The following DGKB variants were observed in gnomAD, a reference collection of about 807,000 sequenced individuals.
DGKB encodes 90 kDa diacylglycerol kinase.
Under a neutral mutation model 114.3 loss-of-function variants are expected in DGKB, and 67 were observed. The ratio of observed to expected loss-of-function variants is 0.59; its 90% CI spans 0.48 to 0.72. The LOEUF is 0.72. Among genes scored for constraint, DGKB ranks in the 30% least tolerant of loss-of-function variants. The pLI is 0.00. For synonymous variants in DGKB, 398 were observed against 323.1 expected, an observed-to-expected ratio of 1.23 and a Z score of -2.49; for missense variants, 907 against 975.2, an observed-to-expected ratio of 0.93 and a Z score of 0.93.
intron 20 of DGKB, among the ~76,000 whole-genome samples, chr7:14,570,272 TTTG>T (rs1297321698): frequency 6.6e-5 from 10 of 152,190 alleles, no homozygotes; most frequent in East Asian, 1.9e-4. Context: ...ATTACGAATT[TTTG>T]TTGTTGTTGT....
intron 1 of DGKB, among the ~76,000 whole-genome samples, chr7:14,861,113 A>G (rs190048646): frequency 3.0e-4 from 45 of 152,084 alleles, no homozygotes; most frequent in African/African-American, 4.8e-4. Flanking sequence ...GGTATCTGGC[A>G]TATGTGTGTA....
At chr7:14,398,788 A>G (rs1309622726) in intron 21 of DGKB, among the ~76,000 whole-genome samples, 1 of 47,368 alleles carries the variant, frequency 2.1e-5, no homozygotes, top group Admixed American at 1.5e-4. Context: ...CACATGGTCT[A>G]TGACTAAAAA....
At chr7:14,869,668 G>A (rs529596822) in intron 1 of DGKB, among the ~76,000 whole-genome samples, 9 of 151,968 alleles carry the variant, frequency 5.9e-5, no homozygotes, top group African/African-American at 2.2e-4. Flanking sequence ...CCATTAATAG[G>A]GAAGAATATA....
intron 21 of DGKB, among the ~76,000 whole-genome samples, chr7:14,407,691 T>A (rs539461603): frequency 6.6e-6 from 1 of 152,078 alleles, no homozygotes; most frequent in Non-Finnish European, 1.5e-5. Context: ...TCTAATGAGT[T>A]GTATTATAAA....
intron 20 of DGKB, among the ~76,000 whole-genome samples, chr7:14,541,737 A>C (rs972047399): frequency 3.3e-5 from 5 of 152,092 alleles, no homozygotes; most frequent in Admixed American, 6.6e-5. Context: ...TCTACTCCTT[A>C]ATTTTTACTG....
chr7:14,357,651 G>T (rs998578526), intron 21 of DGKB, among the ~76,000 whole-genome samples: 1 of 152,102 alleles, frequency 6.6e-6, no homozygotes, highest in Non-Finnish European at 1.5e-5. Context: ...GATGTTAGCT[G>T]GTTATTTTGC....
chr7:14,945,772 T>G (rs575048632), intron 1 of DGKB, among the ~76,000 whole-genome samples: 7 of 151,670 alleles, frequency 4.6e-5, no homozygotes, highest in African/African-American at 1.7e-4. Context: ...ATTCCAGCAA[T>G]TTATGTTTAT....
intron 23 of DGKB, among the ~76,000 whole-genome samples, chr7:14,328,301 G>C (rs546148840): frequency 1.2e-4 from 18 of 151,880 alleles, no homozygotes; most frequent in Admixed American, 9.2e-4. Context: ...AATGTTCTTC[G>C]TTATTCAATA....
At chr7:14,908,692 T>C (rs1469691052) in intron 1 of DGKB, among the ~76,000 whole-genome samples, 3 of 152,292 alleles carry the variant, frequency 2.0e-5, no homozygotes, top group Non-Finnish European at 2.9e-5. Context: ...AGAGCTATTT[T>C]TTATTAAATG....
intron 23 of DGKB, among the ~76,000 whole-genome samples, chr7:14,270,035 A>T (rs984886514): frequency 1.4e-5 from 2 of 141,440 alleles, no homozygotes; most frequent in African/African-American, 5.3e-5. Flanking sequence ...AGTTTATTAT[A>T]AGGCTTTTTT....
chr7:14,722,879 A>G (rs1009884836), intron 5 of DGKB, among the ~76,000 whole-genome samples: 2 of 151,970 alleles, frequency 1.3e-5, no homozygotes, highest in Non-Finnish European at 2.9e-5. Flanking sequence ...CCACCTCCCC[A>G]AGATCAGCCC....
rs1257881538 is a variant in DGKB at position 14,580,853 on chromosome 7, C to T, written c.1609+9G>A. ...ACTGTTTCTGCTTTTGTTGTTGCAG[C>T]TGCTTTACCTCCTCCCCATCGCAGG... On this transcript the variant is annotated intron_variant, in intron 19 of 25. Coordinates refer to ENST00000402815, the MANE Select transcript of DGKB (RefSeq NM_001350709.2). 2 of 1,589,002 alleles carry T rather than the reference C, an allele frequency of 1.3e-6. No individual in the cohort carries two copies. The highest frequency in any genetic ancestry group is 3.4e-5 in the Admixed American group (2 of 58,216).
intron 13 of DGKB, among the ~76,000 whole-genome samples, chr7:14,653,536 G>A (rs1166649569): frequency 1.3e-5 from 2 of 151,862 alleles, no homozygotes; most frequent in Non-Finnish European, 2.9e-5. Flanking sequence ...GGATAGCATC[G>A]GGAGATATAC....
At chr7:14,810,525 C>T (rs1339632881) in intron 2 of DGKB, among the ~76,000 whole-genome samples, 1 of 151,840 alleles carries the variant, frequency 6.6e-6, no homozygotes, top group East Asian at 1.9e-4. Flanking sequence ...TTCAATATAC[C>T]CCATATATTA....
chr7:14,170,184 AG>A, intron 25 of DGKB, among the ~76,000 whole-genome samples: 1 of 150,810 alleles, frequency 6.6e-6, no homozygotes, highest in Admixed American at 6.7e-5. Context: ...AAAGAAAGAA[AG>A]AAAGAAAGAA....
chr7:14,813,426 C>T (rs1016342400), intron 2 of DGKB, among the ~76,000 whole-genome samples: 4 of 152,144 alleles, frequency 2.6e-5, no homozygotes, highest in African/African-American at 9.7e-5. Flanking sequence ...ATCTGCAGCA[C>T]AACCTCAGGC....
chr7:14,859,530 A>AAC (rs1473228282), intron 1 of DGKB, among the ~76,000 whole-genome samples: 1 of 152,144 alleles, frequency 6.6e-6, no homozygotes, highest in African/African-American at 2.4e-5. Context: ...TGACAGAGGT[A>AAC]ACTAGTGGGT....
intron 21 of DGKB, among the ~76,000 whole-genome samples, chr7:14,452,838 T>C (rs1463014798): frequency 6.6e-6 from 1 of 152,094 alleles, no homozygotes; most frequent in East Asian, 1.9e-4. Context: ...TTTTTATTTA[T>C]ATATATTATA....
intron 13 of DGKB, among the ~76,000 whole-genome samples, chr7:14,653,102 C>T (rs1814954483): frequency 2.0e-5 from 3 of 150,620 alleles, no homozygotes; most frequent in South Asian, 4.2e-4. Context: ...TGTGGCGATT[C>T]CTCAGGGATC....
Sources: gnomAD v4.1 joint callset for allele counts (sites outside exome capture counted in the v4.1 genomes callset) on GRCh38, gnomAD v4.1.1 for gene constraint, MANE v1.5 for transcripts, NCBI Gene and HGNC (gene_info 2026-07-23, HGNC 2026-07-21) for gene names.